The following CHD6 variants were observed in gnomAD, a reference collection of about 807,000 sequenced individuals.
CHD6 encodes chromodomain helicase DNA binding protein 6.
In CHD6, 50 loss-of-function variants were observed where a neutral mutation model predicts 276.9. The ratio of observed to expected loss-of-function variants is 0.18; its 90% CI spans 0.14 to 0.23. The LOEUF (loss-of-function observed/expected upper bound fraction) is 0.23. CHD6 is among the 10% of genes least tolerant of loss of function. The probability of loss-of-function intolerance (pLI) is 1.00; values close to 1 mark genes in which losing one functional copy is unlikely to be tolerated. For synonymous variants in CHD6, 1,173 were observed against 1,229.3 expected (o/e 0.95, Z 0.96); for missense variants, 2,564 against 3,365.8 (o/e 0.76, Z 5.89).
intron 2 of CHD6, among the ~76,000 whole-genome samples, chr20:41,543,111 A>C (rs1199931053): frequency 6.6e-6 from 1 of 152,086 alleles, no homozygotes; most frequent in Admixed American, 6.6e-5. Flanking sequence ...TCAAAAAAAA[A>C]AAAAAAAAGG....
At chr20:41,464,531 A>T (rs1332391180) in intron 17 of CHD6, among the ~76,000 whole-genome samples, 1 of 152,248 alleles carries the variant, frequency 6.6e-6, no homozygotes, top group Admixed American at 6.5e-5. Context: ...CCAGAGAAAG[A>T]AGTTACAAAT....
In CHD6 at chr20:41,420,879, A is replaced by G. The variant is rs770915137; in HGVS notation, c.5756T>C (p.Val1919Ala). 9.3e-6 allele frequency: 15 copies of G among 1,613,888 alleles called. No homozygotes were observed. The South Asian group carries it at 1.6e-4, about 18-fold the overall frequency. ...QDETKKGSLEVANQTPGLQRA... is the reference protein window; with the variant it reads ...QDETKKGSLEAANQTPGLQRA... ...CTGTAGCCCAGGAGTCTGGTTTGCC[A>G]CCTCTAAGCTTCCTTTCTTGGTTTC... is the stretch of plus-strand genomic sequence containing the variant. The change falls in exon 31 of 37, where the codon GTG (valine) becomes GCG (alanine). Residue 1919 changes from valine to alanine, a missense_variant. Transcript: ENST00000373233.
rs145919332 is a variant in CHD6, at chr20:41,540,453, G to C, written c.34-6883C>G. 1.1e-3 allele frequency among the ~76,000 whole-genome samples: 175 copies of C among 152,250 alleles called. 1 individual carries two copies. The highest frequency in any genetic ancestry group is 4.1e-3 in the African/African-American group (172 of 41,538). ...GAAAAACTTTCATATACATGTAATA[G>C]AAAAATTTTACAGACTTCTATAATA... On this transcript the variant is annotated intron_variant, in intron 2 of 36. Coordinates refer to ENST00000373233, the MANE Select transcript of CHD6 (RefSeq NM_032221.5).
chr20:41,475,379 C>T (rs2043145885), intron 16 of CHD6, among the ~76,000 whole-genome samples: 1 of 152,236 alleles, frequency 6.6e-6, no homozygotes, highest in South Asian at 2.1e-4. Context: ...TTAAAGCTTT[C>T]ACACTGTACC....
chr20:41,531,436 G>A (rs548827598), intron 3 of CHD6, among the ~76,000 whole-genome samples: 1 of 152,256 alleles, frequency 6.6e-6, no homozygotes, highest in East Asian at 1.9e-4. Context: ...TTCCTCCAAA[G>A]TAATCTGGAA....
intron 24 of CHD6, among the ~76,000 whole-genome samples, chr20:41,447,056 T>G (rs545375289): frequency 2.0e-5 from 3 of 152,174 alleles, no homozygotes; most frequent in Non-Finnish European, 2.9e-5. Flanking sequence ...CTGAAAGGCA[T>G]AGAAAGTGGT....
At chr20:41,529,900 T>C (rs970781462) in intron 3 of CHD6, among the ~76,000 whole-genome samples, 3 of 152,216 alleles carry the variant, frequency 2.0e-5, no homozygotes, top group African/African-American at 4.8e-5. Flanking sequence ...CCTATTTCCC[T>C]GCCTCCATGT....
chr20:41,505,448 A>T (rs2145928529), intron 5 of CHD6, among the ~76,000 whole-genome samples: 1 of 152,208 alleles, frequency 6.6e-6, no homozygotes, highest in South Asian at 2.1e-4. Flanking sequence ...TCTATCCAGA[A>T]CAGTCTCTTT....
intron 16 of CHD6, among the ~76,000 whole-genome samples, chr20:41,475,832 G>A (rs930535764): frequency 2.6e-5 from 4 of 152,146 alleles, no homozygotes; most frequent in African/African-American, 9.7e-5. Context: ...TCAATACATA[G>A]TGATGATACA....
intron 3 of CHD6, among the ~76,000 whole-genome samples, chr20:41,526,670 A>C (rs544875210): frequency 6.6e-6 from 1 of 152,354 alleles, no homozygotes; most frequent in South Asian, 2.1e-4. Flanking sequence ...CTGACAAACC[A>C]AACAAATGGG....
intron 34 of CHD6, chr20:41,414,870 C>T: frequency 8.2e-7 from 1 of 1,223,844 alleles, no homozygotes; most frequent in Non-Finnish European, 1.0e-6. Flanking sequence ...GCTGCACACT[C>T]AACCCTGCCA....
chr20:41,587,930 C>A (rs1018717510), intron 1 of CHD6, among the ~76,000 whole-genome samples: 1 of 152,024 alleles, frequency 6.6e-6, no homozygotes, highest in Non-Finnish European at 1.5e-5. Flanking sequence ...GGAGTAAACG[C>A]TGAGAAGTCA....
intron 1 of CHD6, among the ~76,000 whole-genome samples, chr20:41,561,781 T>C (rs189309070): frequency 6.6e-5 from 10 of 152,336 alleles, no homozygotes; most frequent in African/African-American, 2.4e-4. Context: ...ACTACTCCAT[T>C]GTTCTATTCC....
intron 1 of CHD6, among the ~76,000 whole-genome samples, chr20:41,590,507 A>C (rs1463086777): frequency 2.0e-5 from 3 of 152,236 alleles, no homozygotes; most frequent in East Asian, 1.9e-4. Context: ...GAACTCTAAC[A>C]AATTTACAAG....
chr20:41,575,404 C>T (rs1009634536), intron 1 of CHD6, among the ~76,000 whole-genome samples: 2 of 152,126 alleles, frequency 1.3e-5, no homozygotes, highest in Non-Finnish European at 1.5e-5. Context: ...TATATTTATA[C>T]AAACATCAAT....
In CHD6 at chr20:41,473,640, T is replaced by A. The variant is rs2043107316; in HGVS notation, c.2469-123A>T. 1.3e-6 allele frequency: 1 copy of A among 749,634 alleles called. No homozygotes were observed. Among genetic ancestry groups the A allele is most frequent in the Non-Finnish European group, 2.2e-6 (1 of 455,692 alleles). 46.4% of individuals were successfully genotyped at this position (749,634 alleles called of 1,614,324 possible). On this transcript the variant is annotated intron_variant, in intron 16 of 36. Transcript: ENST00000373233. The surrounding 1 kb of genome is among the most constrained non-coding windows in gnomAD (Gnocchi z 4.1). Reference sequence around the variant, plus strand: ...CCCTCACTTCTAAATTTGGACCAAATGACAGCAGTCTAGAAGGAATCCTGC... The same window carrying A: ...CCCTCACTTCTAAATTTGGACCAAAAGACAGCAGTCTAGAAGGAATCCTGC...
intron 1 of CHD6, among the ~76,000 whole-genome samples, chr20:41,597,671 A>G (rs2045731814): frequency 6.6e-6 from 1 of 152,096 alleles, no homozygotes; most frequent in Admixed American, 6.5e-5. Flanking sequence ...CCATCATCCC[A>G]GGACCAACCC....
In CHD6 at chr20:41,420,671, C is replaced by T. The variant is rs561583216; in HGVS notation, c.5964G>A (p.Pro1988=). The change falls in exon 31 of 37, where the codon CCG becomes CCA. Residue 1988 remains proline, a synonymous_variant. Coordinates refer to ENST00000373233, the MANE Select transcript of CHD6 (RefSeq NM_032221.5). ...EGEPTAIPSQ[P]FKVKHELLKE... is the part of the protein sequence containing the mutation. ...TTAAAAGCTCATGCTTCACTTTAAA[C>T]GGCTGTGATGGAATAGCAGTGGGTT... 1.4e-5 allele frequency: 23 copies of T among 1,614,210 alleles called. No homozygotes were observed. Among genetic ancestry groups the T allele is most frequent in the Middle Eastern group, 1.6e-4 (1 of 6,062 alleles).
At position 41,404,571 on chromosome 20, in the gene CHD6, A is replaced by G; in HGVS notation, c.*22T>C. 1.4e-6 allele frequency: 2 copies of G among 1,472,166 alleles called. No individual in the cohort carries two copies. Among genetic ancestry groups the G allele is most frequent in the African/African-American group, 2.8e-5 (2 of 71,354 alleles). 91.2% of individuals were successfully genotyped at this position (1,472,166 alleles called of 1,614,324 possible). A position where few individuals can be genotyped will look rare whatever the true frequency, so the allele number is the denominator to read the frequency against. ...GGATAAGAAACTTACAAGTCACAAT[A>G]ATTTCTTAAATGAAAAAAGTTCTAA... On this transcript the variant is annotated 3_prime_UTR_variant, in exon 37 of 37. Transcript: ENST00000373233.
Sources: gnomAD v4.1 joint callset for allele counts (sites outside exome capture counted in the v4.1 genomes callset) on GRCh38, gnomAD v4.1.1 for gene constraint, Gnocchi (gnomAD v3.1) non-coding constraint, MANE v1.5 for transcripts, NCBI Gene and HGNC (gene_info 2026-07-23, HGNC 2026-07-21) for gene names.